STAT4: variants seen among roughly 807,000 people sequenced by gnomAD.
The protein encoded by STAT4 is signal transducer and activator of transcription 4.
Under a neutral mutation model 110.5 loss-of-function variants are expected in STAT4, and 42 were observed. That is an observed-to-expected ratio of 0.38 (90% CI 0.30 to 0.49). STAT4 has a LOEUF of 0.49. STAT4 is among the 20% of genes least tolerant of loss of function. STAT4 has a pLI of 0.95. For synonymous variants in STAT4, 284 were observed against 302.2 expected (o/e 0.94, Z 0.63); for missense variants, 632 against 887.9 (o/e 0.71, Z 3.66).
chr2:191,149,600 G>A (rs554118585), intron 1 of STAT4, among the ~76,000 whole-genome samples: 58 of 152,238 alleles, frequency 3.8e-4, no homozygotes, highest in Non-Finnish European at 7.6e-4. Context: ...TCAAATAGGC[G>A]AAATGACGCC....
In STAT4 at chr2:191,117,229, T is replaced by C. The variant is rs938677769; in HGVS notation, c.273+29384A>G. 6.6e-6 allele frequency among the ~76,000 whole-genome samples: 1 copy of C among 152,186 alleles called. No individual in the cohort carries two copies. Among genetic ancestry groups the C allele is most frequent in the Non-Finnish European group, 1.5e-5 (1 of 68,026 alleles). ...GCTCAGTCCCACAACAAATCAAAAA[T>C]GGTATCAAGGGATTTTCATCTTTGC... On this transcript the variant is annotated intron_variant, in intron 3 of 23. Transcript: ENST00000392320. This position sits in a 1 kb window ranked among gnomAD's most constrained non-coding sequence, Gnocchi z 5.2.
chr2:191,072,977 T>A, intron 5 of STAT4, 121 bp downstream of exon 5: 2 of 669,488 alleles, frequency 3.0e-6, no homozygotes, highest in Non-Finnish European at 5.1e-6. Flanking sequence ...GAGATATTTA[T>A]CTTATTAACA....
intron 3 of STAT4, among the ~76,000 whole-genome samples, chr2:191,127,972 T>C (rs767948981): frequency 1.3e-4 from 20 of 152,328 alleles, no homozygotes; most frequent in Non-Finnish European, 2.8e-4. Flanking sequence ...GTTGATCATA[T>C]TGGATTTCAA....
rs1391079223 is a variant in STAT4 at position 191,110,290 on chromosome 2, G to A, written c.274-33965C>T. ...CAGCTATGTGTCTGGCTCTGTGATC[G>A]GTGTTGGGAGGCATATGAAAGTTCC... On this transcript the variant is annotated intron_variant, in intron 3 of 23. Coordinates refer to ENST00000392320, the MANE Select transcript of STAT4 (RefSeq NM_003151.4). This position sits in a 1 kb window ranked among gnomAD's most constrained non-coding sequence, Gnocchi z 4.5. Among the ~76,000 whole-genome samples, 1 of 152,104 alleles carries A rather than the reference G, an allele frequency of 6.6e-6. No individual in the cohort carries two copies. The highest frequency in any genetic ancestry group is 1.5e-5 in the Non-Finnish European group (1 of 68,010).
intron 5 of STAT4, 91 bp from the exon 6 acceptor site, chr2:191,069,862 G>T: frequency 1.0e-6 from 1 of 955,392 alleles, no homozygotes; most frequent in Non-Finnish European, 1.6e-6. Flanking sequence ...ACTGCTTGGT[G>T]CTTCCAATCT....
chr2:191,039,301 G>C lies in STAT4; in HGVS notation c.1336-4C>G. On this transcript the variant is annotated splice_region_variant and splice_polypyrimidine_tract_variant and intron_variant, in intron 15 of 23. Coordinates refer to ENST00000392320, the MANE Select transcript of STAT4 (RefSeq NM_003151.4). This position sits in a 1 kb window ranked among gnomAD's most constrained non-coding sequence, Gnocchi z 4.7. ...TCACCACAGGCAATGAGCTGGTCTGGTTTGGGGGGAAAAAAGCATAGTTAT... is the reference window on the plus strand; with the variant it reads ...TCACCACAGGCAATGAGCTGGTCTGCTTTGGGGGGAAAAAAGCATAGTTAT... 2 of 1,613,806 alleles carry C rather than the reference G, an allele frequency of 1.2e-6. No individual in the cohort carries two copies. Among genetic ancestry groups the C allele is most frequent in the Non-Finnish European group, 1.7e-6 (2 of 1,179,698 alleles).
chr2:191,034,284 G>T (rs576482731), intron 18 of STAT4, among the ~76,000 whole-genome samples: 2 of 151,946 alleles, frequency 1.3e-5, no homozygotes, highest in Non-Finnish European at 2.9e-5. Context: ...TTAGCCGGGC[G>T]TGGTGGTGGG....
chr2:191,100,860 C>T (rs1187292778), intron 3 of STAT4, among the ~76,000 whole-genome samples: 2 of 151,322 alleles, frequency 1.3e-5, no homozygotes, highest in Non-Finnish European at 2.9e-5. Context: ...GACTTGACAC[C>T]CTGAATCAGC....
intron 3 of STAT4, among the ~76,000 whole-genome samples, chr2:191,134,311 C>G (rs1335863139): frequency 3.9e-5 from 6 of 152,220 alleles, no homozygotes; most frequent in Admixed American, 2.0e-4. Context: ...GCCCGGGGGT[C>G]CAAGAACCCA....
rs1696617968 is a variant in STAT4, at chr2:191,054,470, T to C, written c.1251+20A>G. The C allele has an allele frequency of 2.5e-6, 4 of 1,601,594 alleles. No individual in the cohort carries two copies. The highest frequency in any genetic ancestry group is 1.7e-5 in the Admixed American group (1 of 57,434). Reference sequence around the variant, plus strand: ...AAGATCTGTTTCCAGAAAAATTCTATAGGAGAAAACATTTCCTACCTCATT... The same window carrying C: ...AAGATCTGTTTCCAGAAAAATTCTACAGGAGAAAACATTTCCTACCTCATT... On this transcript the variant is annotated intron_variant, in intron 14 of 23. Coordinates refer to ENST00000392320, the MANE Select transcript of STAT4 (RefSeq NM_003151.4).
Position 191,146,759 on chromosome 2 carries a change from T to TAAAA in STAT4, c.129-6_129-3dup. The stretch of plus-strand genomic sequence containing the variant: ...GTTTCATTGTTAGAAGCTGCCTCCC[T>TAAAA]AAAAAAAAAAAGGATTATTACACAA... On this transcript the variant is annotated splice_region_variant and splice_polypyrimidine_tract_variant and intron_variant, in intron 2 of 23. Coordinates refer to ENST00000392320, the MANE Select transcript of STAT4 (RefSeq NM_003151.4). This position sits in a 1 kb window ranked among gnomAD's most constrained non-coding sequence, Gnocchi z 4.5. 3 of 1,203,180 alleles carry TAAAA rather than the reference T, an allele frequency of 2.5e-6. No homozygotes were observed. Among genetic ancestry groups the TAAAA allele is most frequent in the South Asian group, 1.6e-5 (1 of 61,312 alleles). The allele number at this position is 1,203,180 out of a possible 1,614,324, so 74.5% of individuals were successfully genotyped here.
In STAT4 at chr2:191,058,241, T is replaced by G; in HGVS notation, c.1095-22A>C. 6.2e-7 allele frequency: 1 copy of G among 1,603,458 alleles called. No homozygotes were observed. On this transcript the variant is annotated intron_variant, in intron 11 of 23. Coordinates refer to ENST00000392320, the MANE Select transcript of STAT4 (RefSeq NM_003151.4). This position sits in a 1 kb window ranked among gnomAD's most constrained non-coding sequence, Gnocchi z 4.3. ...ATTCCTGTAAAACCAAGAAGATTCT[T>G]TAAAACAAGCTATTTAATAGATCTA...
chr2:191,069,831 ACAT>A, intron 5 of STAT4, 60 bp from the exon 6 acceptor site: 5 of 1,363,628 alleles, frequency 3.7e-6, no homozygotes, highest in Non-Finnish European at 5.1e-6. Context: ...CAATCAAACA[ACAT>A]CATAAGTATT....
intron 3 of STAT4, among the ~76,000 whole-genome samples, chr2:191,130,073 T>C (rs1286944079): frequency 1.3e-5 from 2 of 152,094 alleles, no homozygotes; most frequent in African/African-American, 4.8e-5. Context: ...TGAGGTGAAG[T>C]TTCAATCTTG....
chr2:191,040,859 C>T (rs759913178), intron 15 of STAT4, among the ~76,000 whole-genome samples: 1 of 152,194 alleles, frequency 6.6e-6, no homozygotes, highest in Non-Finnish European at 1.5e-5. Flanking sequence ...CCACTGCACC[C>T]AGCTACCCAC....
chr2:191,034,454 G>C, intron 18 of STAT4, 94 bp downstream of exon 18: 1 of 932,044 alleles, frequency 1.1e-6, no homozygotes, highest in South Asian at 1.4e-5. Flanking sequence ...ATTCTTATCT[G>C]GGAAATTCTC....
rs1192576162 is a variant in STAT4, at chr2:191,036,214, C to A, written c.1520G>T (p.Gly507Val). 2 of 1,614,036 alleles carry A rather than the reference C, an allele frequency of 1.2e-6. No homozygotes were observed. Among genetic ancestry groups the A allele is most frequent in the Non-Finnish European group, 1.7e-6 (2 of 1,180,048 alleles). ...GAGTTGATCTGAGTTAAGACCACGA[C>A]CAACGTACGATGAAAACTGCCAGCT... ...VMSWQFSSYV[G>V]RGLNSDQLHM... Residue 507 changes from glycine (G) to valine (V), a missense_variant, in exon 17 of 24, where the codon GGT becomes GTT. Gly to Val is a moderately radical substitution (Grantham distance 109). Coordinates refer to ENST00000392320, the MANE Select transcript of STAT4 (RefSeq NM_003151.4).
intron 3 of STAT4, among the ~76,000 whole-genome samples, chr2:191,125,064 G>C (rs979147654): frequency 2.6e-5 from 4 of 152,198 alleles, no homozygotes; most frequent in Non-Finnish European, 5.9e-5. Context: ...TTGGTGAGTT[G>C]ATGATTTGCT....
At position 191,031,283 on chromosome 2, in the gene STAT4, T is replaced by G; in HGVS notation, c.2111+167A>C. Reference sequence around the variant, plus strand: ...GGGAATTTTATAATTTTAGGCACAATAGATTGTGGTAAGTGTGCCCTGAAG... The same window carrying G: ...GGGAATTTTATAATTTTAGGCACAAGAGATTGTGGTAAGTGTGCCCTGAAG... On this transcript the variant is annotated intron_variant, in intron 22 of 23. Coordinates refer to ENST00000392320, the MANE Select transcript of STAT4 (RefSeq NM_003151.4). The surrounding 1 kb of genome is among the most constrained non-coding windows in gnomAD (Gnocchi z 4.8). 1 of 896,088 alleles carries G rather than the reference T, an allele frequency of 1.1e-6. No homozygotes were observed. Among genetic ancestry groups the G allele is most frequent in the Non-Finnish European group, 1.7e-6 (1 of 594,342 alleles). The allele number at this position is 896,088 out of a possible 1,614,324, so 55.5% of individuals were successfully genotyped here. A position where few individuals can be genotyped will look rare whatever the true frequency, so the allele number is the denominator to read the frequency against.
Sources: allele counts gnomAD v4.1 joint callset (sites outside exome capture counted in the v4.1 genomes callset), GRCh38; gene constraint gnomAD v4.1.1; non-coding constraint Gnocchi (gnomAD v3.1); transcripts MANE v1.5; gene names NCBI Gene and HGNC (gene_info 2026-07-23, HGNC 2026-07-21).